ACAT2: variants seen among roughly 807,000 people sequenced by gnomAD.
ACAT2 encodes the protein acetyl-CoA acetyltransferase 2.
ACAT2 carries 26 observed loss-of-function variants against 37.1 expected under a neutral mutation model. That is an observed-to-expected ratio of 0.70 (90% CI 0.51 to 0.97). The LOEUF is 0.97. Among genes scored for constraint, ACAT2 ranks in the 50% least tolerant of loss-of-function variants. The probability of loss-of-function intolerance (pLI) is 0.00; values close to 1 mark genes in which losing one functional copy is unlikely to be tolerated. For synonymous variants in ACAT2, 156 were observed against 163.6 expected (o/e 0.95, Z 0.35); for missense variants, 468 against 489.0 (o/e 0.96, Z 0.40).
intron 4 of ACAT2, among the ~76,000 whole-genome samples, chr6:159,769,681 C>G (rs1780306771): frequency 6.6e-6 from 1 of 152,140 alleles, no homozygotes; most frequent in Non-Finnish European, 1.5e-5. Context: ...GGGAAAACCC[C>G]ACTGTCACTG....
rs763185206 is a variant in ACAT2 at position 159,767,135 on chromosome 6, G to A, written c.321G>A (p.Gly107=). ...KAVCLAVQSI[G]IGDSSIVVAG... ...TGTGCCTTGCAGTCCAGTCAATAGG[G>A]ATAGGAGACTCCAGCATTGTGGTTG... Residue 107 remains glycine, a synonymous_variant, in exon 3 of 9, where the codon GGG becomes GGA. Transcript: ENST00000367048. 11 of 1,614,110 alleles carry A rather than the reference G, an allele frequency of 6.8e-6. No homozygotes were observed. In the South Asian group the frequency reaches 1.2e-4, roughly 18 times the overall value.
At chr6:159,772,637 T>C (rs1780355258) in intron 4 of ACAT2, among the ~76,000 whole-genome samples, 1 of 151,896 alleles carries the variant, frequency 6.6e-6, no homozygotes, top group South Asian at 2.1e-4. Context: ...TATAAGAGAA[T>C]AGCTTTTACA....
At chr6:159,762,554 A>C in intron 1 of ACAT2, 2 of 1,319,500 alleles carry the variant, frequency 1.5e-6, no homozygotes, top group Non-Finnish European at 2.0e-6. Flanking sequence ...CTGTCACACA[A>C]TGGCTAGAAG....
chr6:159,770,180 A>G (rs1325482422), intron 4 of ACAT2, among the ~76,000 whole-genome samples: 2 of 152,220 alleles, frequency 1.3e-5, no homozygotes, highest in East Asian at 1.9e-4. Context: ...ACAAAACTCA[A>G]TATATTCTCT....
intron 6 of ACAT2, among the ~76,000 whole-genome samples, 181 bp from the exon 7 acceptor site, chr6:159,777,121 G>A (rs542404815): frequency 2.0e-5 from 3 of 152,202 alleles, no homozygotes; most frequent in African/African-American, 7.2e-5. Flanking sequence ...TCTCTAGTTG[G>A]AAAGTTTTGT....
intron 7 of ACAT2, 104 bp from the exon 8 acceptor site, chr6:159,778,066 C>A: frequency 1.4e-6 from 1 of 719,392 alleles, no homozygotes. Flanking sequence ...ACCAAAGTAG[C>A]AGTTACCAGT....
intron 4 of ACAT2, among the ~76,000 whole-genome samples, chr6:159,771,640 G>A (rs1319855515): frequency 8.8e-5 from 13 of 148,126 alleles, no homozygotes; most frequent in African/African-American, 3.3e-4. Flanking sequence ...AACAGAGTGA[G>A]ACTCTGTCTC....
intron 4 of ACAT2, among the ~76,000 whole-genome samples, chr6:159,770,205 C>A (rs71565752): frequency 0.018 from 2,738 of 152,242 alleles, 40 homozygotes; most frequent in South Asian, 0.031. Context: ...ATAATAAAAT[C>A]TCTATGTCCA....
intron 2 of ACAT2, among the ~76,000 whole-genome samples, chr6:159,766,715 A>G (rs1056505555): frequency 6.6e-6 from 1 of 152,202 alleles, no homozygotes; most frequent in African/African-American, 2.4e-5. Context: ...AAGCCATATC[A>G]AAAGATGAGG....
At chr6:159,768,118 C>T (rs1335597465) in intron 3 of ACAT2, among the ~76,000 whole-genome samples, 1 of 152,178 alleles carries the variant, frequency 6.6e-6, no homozygotes, top group African/African-American at 2.4e-5. Context: ...TGATTATTCT[C>T]ACTGTAGACA....
At chr6:159,778,132 C>T in intron 7 of ACAT2, 38 bp from the exon 8 acceptor site, 2 of 1,420,580 alleles carry the variant, frequency 1.4e-6, no homozygotes, top group Non-Finnish European at 2.0e-6. Flanking sequence ...GCCTTTCCAC[C>T]CAAGTTTAGA....
At chr6:159,770,186 T>C (rs1045401680) in intron 4 of ACAT2, among the ~76,000 whole-genome samples, 1 of 152,202 alleles carries the variant, frequency 6.6e-6, no homozygotes, top group Non-Finnish European at 1.5e-5. Flanking sequence ...CTCAATATAT[T>C]CTCTAAAGAT....
At chr6:159,763,138 A>C in intron 2 of ACAT2, 85 bp downstream of exon 2, 28 of 1,507,856 alleles carry the variant, frequency 1.9e-5, no homozygotes, top group Non-Finnish European at 2.3e-5. Flanking sequence ...TCACACACTC[A>C]CACACTCTCT....
intron 4 of ACAT2, among the ~76,000 whole-genome samples, chr6:159,771,475 AAG>A (rs1481218953): frequency 1.2e-4 from 19 of 152,182 alleles, no homozygotes; most frequent in Non-Finnish European, 2.9e-5. Flanking sequence ...ATACATAAGG[AAG>A]AGAGAGAATG....
chr6:159,772,556 A>G (rs1780354043), intron 4 of ACAT2, among the ~76,000 whole-genome samples: 1 of 152,230 alleles, frequency 6.6e-6, no homozygotes, highest in African/African-American at 2.4e-5. Flanking sequence ...CACACCCTAT[A>G]TAAAAGCTAA....
At chr6:159,763,663 G>C (rs1240285790) in intron 2 of ACAT2, among the ~76,000 whole-genome samples, 1 of 78,066 alleles carries the variant, frequency 1.3e-5, no homozygotes. Context: ...TTTTTGAGAC[G>C]GAGTCTCTCT....
intron 4 of ACAT2, among the ~76,000 whole-genome samples, chr6:159,773,655 T>C (rs1780372504): frequency 6.6e-6 from 1 of 152,076 alleles, no homozygotes. Flanking sequence ...TGTAACTGCC[T>C]AAATTTTGAA....
Position 159,778,979 on chromosome 6 carries a change from G to GACAT in ACAT2, c.*150_*151insACAT. ...TACAGCTTGTACTTTACTTTAATGT[G>GACAT]TAATACTCAACTCAAGGTACAAGAC... On this transcript the variant is annotated 3_prime_UTR_variant, in exon 9 of 9. Coordinates refer to ENST00000367048, the MANE Select transcript of ACAT2 (RefSeq NM_005891.3). 6.4e-7 allele frequency: 1 copy of GACAT among 1,565,886 alleles called. No individual in the cohort carries two copies.
intron 3 of ACAT2, 136 bp from the exon 4 acceptor site, chr6:159,768,375 G>A: frequency 1.5e-6 from 1 of 656,640 alleles, no homozygotes; most frequent in Non-Finnish European, 2.7e-6. Flanking sequence ...GCCTGGCTGA[G>A]GACCTAGAAC....
Sources: gnomAD v4.1 joint callset for allele counts (sites outside exome capture counted in the v4.1 genomes callset) on GRCh38, gnomAD v4.1.1 for gene constraint, MANE v1.5 for transcripts, NCBI Gene and HGNC (gene_info 2026-07-23, HGNC 2026-07-21) for gene names.